RIC3: variants seen among roughly 807,000 people sequenced by gnomAD.
The protein encoded by RIC3 is protein RIC-3.
Under a neutral mutation model 27.3 loss-of-function variants are expected in RIC3, and 28 were observed. The observed-to-expected ratio is 1.02, with a 90% CI of 0.76 to 1.41. RIC3 has a LOEUF of 1.41. Among genes scored for constraint, RIC3 ranks in the 40% most tolerant of loss-of-function variants. RIC3 has a pLI of 0.00. For missense variants in RIC3, 501 were observed against 444.7 expected (o/e 1.13, Z -1.14); for synonymous variants, 184 against 160.4 (o/e 1.15, Z -1.11).
intron 1 of RIC3, among the ~76,000 whole-genome samples, chr11:8,154,822 G>A (rs989021241): frequency 1.3e-5 from 2 of 151,968 alleles, no homozygotes; most frequent in East Asian, 1.9e-4. Context: ...TAAAACTGTA[G>A]GTTTTCTAAT....
At chr11:8,138,455 G>C (rs1948658314) in intron 2 of RIC3, 108 bp from the exon 3 acceptor site, 5 of 574,166 alleles carry the variant, frequency 8.7e-6, no homozygotes, top group Non-Finnish European at 1.5e-5. Context: ...ATGAAGGTCA[G>C]AAATTAAATC....
At chr11:8,135,492 T>C (rs1353981720) in intron 4 of RIC3, 3 of 152,228 alleles carry the variant, frequency 2.0e-5, no homozygotes, top group Non-Finnish European at 2.9e-5. Flanking sequence ...ATATGAACTT[T>C]AAAGTAGTTT....
chr11:8,101,558 G>A (rs979634311), downstream of RIC3: 3 of 1,614,118 alleles, frequency 1.9e-6, no homozygotes, highest in South Asian at 1.1e-5. Context: ...TACCCGCTGT[G>A]TGCACTGCAG....
rs975134789 is a variant in RIC3, at chr11:8,130,166, T to C, written c.522-3359A>G. ...ATAGTGCAAAGATTAACGTGAGCCA[T>C]CCATCCCCTACCTCTCCTTCAAGGG... On this transcript the variant is annotated intron_variant, in intron 4 of 5. Coordinates refer to ENST00000309737, the MANE Select transcript of RIC3 (RefSeq NM_001206671.4). 2.0e-5 allele frequency among the ~76,000 whole-genome samples: 3 copies of C among 152,194 alleles called. No individual in the cohort carries two copies. In the East Asian group the frequency reaches 5.8e-4, roughly 29 times the overall value.
At chr11:8,137,309 C>T in intron 4 of RIC3, 69 bp downstream of exon 4, 1 of 1,415,124 alleles carries the variant, frequency 7.1e-7, no homozygotes, top group East Asian at 2.3e-5. Context: ...GAGGCCTCGG[C>T]CACTGCACCC....
At chr11:8,160,461 T>G (rs950057674) in intron 1 of RIC3, among the ~76,000 whole-genome samples, 4 of 152,116 alleles carry the variant, frequency 2.6e-5, no homozygotes, top group Non-Finnish European at 5.9e-5. Flanking sequence ...CTGAAAAAAT[T>G]TCAAGAGCTA....
the RIC3 span, chr11:8,097,948 CCTCT>C: frequency 4.1e-6 from 3 of 734,330 alleles, no homozygotes; most frequent in Non-Finnish European, 6.9e-6. Context: ...CTCCCAGGAT[CCTCT>C]CTGATAATCA....
rs1321469852 is a variant in RIC3 at position 8,142,354 on chromosome 11, T to A, written c.125-2161A>T. On this transcript the variant is annotated intron_variant, in intron 1 of 5. Transcript: ENST00000309737. The stretch of plus-strand genomic sequence containing the variant: ...AAATGATAAAGGGGATATCACCACC[T>A]ATCCCACAGAAATACAAACTACCAT... Among the ~76,000 whole-genome samples, 103 of 150,876 alleles carry A rather than the reference T, an allele frequency of 6.8e-4. 1 individual carries two copies. The East Asian group carries it at 0.018, about 27-fold the overall frequency.
chr11:8,150,347 C>T (rs1354837778), intron 1 of RIC3, among the ~76,000 whole-genome samples: 1 of 152,142 alleles, frequency 6.6e-6, no homozygotes, highest in African/African-American at 2.4e-5. Context: ...TGCCATTTAA[C>T]ACTGAACAAA....
intron 5 of RIC3, among the ~76,000 whole-genome samples, chr11:8,123,278 G>A (rs1184172046): frequency 2.6e-5 from 4 of 151,898 alleles, no homozygotes; most frequent in Non-Finnish European, 5.9e-5. Flanking sequence ...AAATAAAAGA[G>A]AGACAAAAAG....
At chr11:8,163,687 ATAAAT>A (rs1212108431) in intron 1 of RIC3, among the ~76,000 whole-genome samples, 5 of 152,174 alleles carry the variant, frequency 3.3e-5, no homozygotes, top group Non-Finnish European at 7.3e-5. Flanking sequence ...CTCCTTTAAA[ATAAAT>A]TAAAGACCTA....
chr11:8,112,691 G>A (rs1360262817), intron 5 of RIC3, among the ~76,000 whole-genome samples: 1 of 152,158 alleles, frequency 6.6e-6, no homozygotes, highest in African/African-American at 2.4e-5. Context: ...ATTATATCAT[G>A]AGCATCTCTC....
At chr11:8,124,779 A>G (rs138445346) in intron 5 of RIC3, among the ~76,000 whole-genome samples, 1 of 152,238 alleles carries the variant, frequency 6.6e-6, no homozygotes, top group African/African-American at 2.4e-5. Flanking sequence ...GTAACAAAAG[A>G]AGCTGAACAA....
At chr11:8,158,856 C>T (rs77770735) in intron 1 of RIC3, among the ~76,000 whole-genome samples, 3 of 99,832 alleles carry the variant, frequency 3.0e-5, no homozygotes, top group African/African-American at 1.0e-4. Flanking sequence ...CCTCAGCCTC[C>T]CGAATAGCTG....
intron 4 of RIC3, among the ~76,000 whole-genome samples, chr11:8,134,477 G>A (rs965751738): frequency 3.3e-5 from 5 of 152,152 alleles, no homozygotes; most frequent in Admixed American, 6.5e-5. Context: ...TGTCTTTATA[G>A]CAGCATGATT....
intron 1 of RIC3, among the ~76,000 whole-genome samples, chr11:8,148,822 A>C (rs1257831595): frequency 6.6e-6 from 1 of 152,116 alleles, no homozygotes; most frequent in Non-Finnish European, 1.5e-5. Flanking sequence ...CAGGGTATCA[A>C]GGACCTTTTT....
intron 5 of RIC3, among the ~76,000 whole-genome samples, chr11:8,114,843 A>C (rs895644013): frequency 6.6e-5 from 10 of 152,276 alleles, no homozygotes; most frequent in Middle Eastern, 3.4e-3. Context: ...GAAATGAAAA[A>C]TGCAATAGAG....
chr11:8,095,740 A>G, the RIC3 span: 23 of 1,473,096 alleles, frequency 1.6e-5, no homozygotes, highest in Non-Finnish European at 2.0e-5. Context: ...CTCTGGGAGC[A>G]TGGCCTTCCT....
intron 1 of RIC3, among the ~76,000 whole-genome samples, chr11:8,162,901 C>T (rs1951313085): frequency 6.6e-6 from 1 of 151,962 alleles, no homozygotes; most frequent in African/African-American, 2.4e-5. Context: ...CTGCCTTGGG[C>T]TCCCCAAGTG....
Sources: allele counts gnomAD v4.1 joint callset (sites outside exome capture counted in the v4.1 genomes callset), GRCh38; gene constraint gnomAD v4.1.1; transcripts MANE v1.5; gene names NCBI Gene and HGNC (gene_info 2026-07-23, HGNC 2026-07-21).